ZNF462: variants seen among roughly 807,000 people sequenced by gnomAD.
ZNF462 encodes zinc finger PBX1-interacting protein.
In ZNF462, 10 loss-of-function variants were observed where a neutral mutation model predicts 201.9. That is an observed-to-expected ratio of 0.05 (90% CI 0.03 to 0.08). The LOEUF (loss-of-function observed/expected upper bound fraction) is 0.08. Among genes scored for constraint, ZNF462 ranks in the 10% least tolerant of loss-of-function variants. ZNF462 has a pLI of 1.00. For missense variants in ZNF462, 2,523 were observed against 3,168.3 expected (o/e 0.80, Z 4.89); for synonymous variants, 1,227 against 1,193.3 (o/e 1.03, Z -0.58).
In ZNF462 at chr9:106,949,099, G is replaced by A. The variant is rs900255142; in HGVS notation, c.6427+9992G>A. On this transcript the variant is annotated intron_variant, in intron 7 of 12. Coordinates refer to ENST00000277225, the MANE Select transcript of ZNF462 (RefSeq NM_021224.6). Reference sequence around the variant, plus strand: ...GACTGCCTAGACTGTTCAGAGTAATGGGCTAGAAATAAGACTTTGTGAAAG... The same window carrying A: ...GACTGCCTAGACTGTTCAGAGTAATAGGCTAGAAATAAGACTTTGTGAAAG... 2.0e-5 allele frequency among the ~76,000 whole-genome samples: 3 copies of A among 152,246 alleles called. No individual in the cohort carries two copies. The South Asian group carries it at 6.2e-4, about 32-fold the overall frequency.
chr9:106,881,333 GT>G (rs1564073975), intron 1 of ZNF462, among the ~76,000 whole-genome samples: 1 of 152,170 alleles, frequency 6.6e-6, no homozygotes, highest in Non-Finnish European at 1.5e-5. Flanking sequence ...TGGTAGGCCT[GT>G]GAGGACCTTG....
chr9:106,901,060 T>G (rs1227179215), intron 1 of ZNF462, among the ~76,000 whole-genome samples: 1 of 152,200 alleles, frequency 6.6e-6, no homozygotes, highest in Non-Finnish European at 1.5e-5. Flanking sequence ...AGTTGATTTT[T>G]GTATAAAGTA....
In ZNF462 at chr9:106,963,750, G is replaced by A. The variant is rs1831945138; in HGVS notation, c.6428-8255G>A. On this transcript the variant is annotated intron_variant, in intron 7 of 12. Coordinates refer to ENST00000277225, the MANE Select transcript of ZNF462 (RefSeq NM_021224.6). The surrounding 1 kb of genome is among the most constrained non-coding windows in gnomAD (Gnocchi z 4.7). ...ATTTCTAAGTATATAGGATAGTATT[G>A]TTAACTGTATACACATTGTTATACA... Among the ~76,000 whole-genome samples, 1 of 151,970 alleles carries A rather than the reference G, an allele frequency of 6.6e-6. No homozygotes were observed. Among genetic ancestry groups the A allele is most frequent in the East Asian group, 1.9e-4 (1 of 5,182 alleles).
chr9:106,932,823 G>A lies in ZNF462; in HGVS notation c.6116+274G>A. ...ACCCAAAGGTAAAATGGCATCTGTG[G>A]AGAGTAGATGAGTCTCCTGATTCAT... On this transcript the variant is annotated intron_variant, in intron 5 of 12. Transcript: ENST00000277225. The surrounding 1 kb of genome is among the most constrained non-coding windows in gnomAD (Gnocchi z 6.8). 1 of 548,070 alleles carries A rather than the reference G, an allele frequency of 1.8e-6. No individual in the cohort carries two copies. The highest frequency in any genetic ancestry group is 2.2e-5 in the South Asian group (1 of 45,182). The allele number at this position is 548,070 out of a possible 1,614,324, so 34.0% of individuals were successfully genotyped here.
In ZNF462 at chr9:106,926,902, G is replaced by T; in HGVS notation, c.2990G>T (p.Gly997Val). 2 of 1,614,180 alleles carry T rather than the reference G, an allele frequency of 1.2e-6. No individual in the cohort carries two copies. Among genetic ancestry groups the T allele is most frequent in the Middle Eastern group, 1.6e-4 (1 of 6,062 alleles). ...NMATSTPVAR[G>V]GGLPATFNKN... is the part of the protein sequence containing the mutation. The stretch of plus-strand genomic sequence containing the variant: ...GCGACTTCCACACCTGTGGCTCGTG[G>T]TGGTGGTTTGCCAGCTACGTTCAAC... Residue 997 changes from glycine to valine, a missense_variant, in exon 3 of 13, where the codon GGT (glycine) becomes GTT (valine). By Grantham distance (109) the Gly-to-Val change is moderately radical (BLOSUM62 -3). Transcript: ENST00000277225. This position sits in a 1 kb window ranked among gnomAD's most constrained non-coding sequence, Gnocchi z 7.9.
rs1051764360 is a variant in ZNF462, at chr9:107,003,692, A to G, written c.7189+266A>G. Reference sequence around the variant, plus strand: ...AATAGATGGCAGTGATTTGTTTTTAATAAGGAAAACTGGTATCTAGGGAAT... The same window carrying G: ...AATAGATGGCAGTGATTTGTTTTTAGTAAGGAAAACTGGTATCTAGGGAAT... On this transcript the variant is annotated intron_variant, in intron 11 of 12. Transcript: ENST00000277225. This position sits in a 1 kb window ranked among gnomAD's most constrained non-coding sequence, Gnocchi z 4.4. Among the ~76,000 whole-genome samples, 3 of 152,194 alleles carry G rather than the reference A, an allele frequency of 2.0e-5. No homozygotes were observed. Among genetic ancestry groups the G allele is most frequent in the African/African-American group, 7.2e-5 (3 of 41,460 alleles).
intron 7 of ZNF462, among the ~76,000 whole-genome samples, chr9:106,947,604 T>A (rs1209859610): frequency 6.6e-6 from 1 of 152,238 alleles, no homozygotes; most frequent in South Asian, 2.1e-4. Flanking sequence ...ACCAATTGCC[T>A]TAAATATGTC....
intron 10 of ZNF462, among the ~76,000 whole-genome samples, chr9:106,998,184 T>C (rs1828885131): frequency 1.3e-5 from 2 of 152,166 alleles, no homozygotes; most frequent in Non-Finnish European, 1.5e-5. Context: ...GTGCCTCTTT[T>C]TGAAGCTACA....
intron 7 of ZNF462, among the ~76,000 whole-genome samples, chr9:106,942,437 A>C (rs1376034634): frequency 6.6e-6 from 1 of 152,230 alleles, no homozygotes; most frequent in Non-Finnish European, 1.5e-5. Context: ...ATGTTTCACC[A>C]GCACACGAAT....
chr9:106,864,039 G>GCTCGCGCGCTCT (rs1827179488), intron 1 of ZNF462, among the ~76,000 whole-genome samples: 1 of 22,722 alleles, frequency 4.4e-5, no homozygotes, highest in Non-Finnish European at 1.0e-4. Context: ...CAGGTATTTG[G>GCTCGCGCGCTCT]CTCTCTCTCT....
rs1036026918 is a variant in ZNF462 at position 106,925,544 on chromosome 9, G to A, written c.1632G>A (p.Gln544=). ...CCTTGCAGCAGCAACAGCCACCGCA[G>A]CCACCACCACCGCCGCCGCCACCAC... The part of the protein sequence containing the change: ...LDPLQQQQPP[Q]PPPPPPPPPP... The change falls in exon 3 of 13, where the codon CAG becomes CAA. Residue 544 remains glutamine (Q), a synonymous_variant. Coordinates refer to ENST00000277225, the MANE Select transcript of ZNF462 (RefSeq NM_021224.6). The surrounding 1 kb of genome is among the most constrained non-coding windows in gnomAD (Gnocchi z 7.9). The A allele has an allele frequency of 6.2e-7, 1 of 1,612,914 alleles. No individual in the cohort carries two copies. Among genetic ancestry groups the A allele is most frequent in the African/African-American group, 1.3e-5 (1 of 74,818 alleles).
At position 106,954,233 on chromosome 9, in the gene ZNF462, C is replaced by T. The variant is rs1388585352; in HGVS notation, c.6427+15126C>T. ...CACGGTTCTACATGGCTAGGGAGGC[C>T]TCAGGAAACTTATAATCAAGGTGGA... On this transcript the variant is annotated intron_variant, in intron 7 of 12. Coordinates refer to ENST00000277225, the MANE Select transcript of ZNF462 (RefSeq NM_021224.6). The surrounding 1 kb of genome is among the most constrained non-coding windows in gnomAD (Gnocchi z 4.0). Among the ~76,000 whole-genome samples the T allele has an allele frequency of 1.3e-5, 2 of 151,988 alleles. No homozygotes were observed. Among genetic ancestry groups the T allele is most frequent in the Non-Finnish European group, 2.9e-5 (2 of 68,012 alleles).
At position 106,928,877 on chromosome 9, in the gene ZNF462, C is replaced by G; in HGVS notation, c.4965C>G (p.Val1655=). 1 of 1,614,102 alleles carries G rather than the reference C, an allele frequency of 6.2e-7. No homozygotes were observed. Among genetic ancestry groups the G allele is most frequent in the Non-Finnish European group, 8.5e-7 (1 of 1,180,030 alleles). ...STSHFSTSHL[V]SHTVFRCQLC... is the part of the protein sequence containing the mutation. ...CTCACTTCTCTACCTCCCACCTGGT[C>G]TCCCACACTGTGTTCCGGTGCCAGC... Residue 1655 remains valine (V), a synonymous_variant, in exon 3 of 13, where the codon GTC becomes GTG. Transcript: ENST00000277225. This position sits in a 1 kb window ranked among gnomAD's most constrained non-coding sequence, Gnocchi z 9.3.
rs761813369 is a variant in ZNF462 at position 106,930,881 on chromosome 9, C to G, written c.6012+192C>G. On this transcript the variant is annotated intron_variant, in intron 4 of 12. Coordinates refer to ENST00000277225, the MANE Select transcript of ZNF462 (RefSeq NM_021224.6). This position sits in a 1 kb window ranked among gnomAD's most constrained non-coding sequence, Gnocchi z 5.8. ...CTCATCTTTCTGTTCAGGGAAAGGTCGAGTTTCGATCTGGTTTCCTTCCAC... is the reference window on the plus strand; with the variant it reads ...CTCATCTTTCTGTTCAGGGAAAGGTGGAGTTTCGATCTGGTTTCCTTCCAC... 17 of 613,386 alleles carry G rather than the reference C, an allele frequency of 2.8e-5. No individual in the cohort carries two copies. Among genetic ancestry groups the G allele is most frequent in the East Asian group, 3.2e-5 (1 of 31,478 alleles). The allele number at this position is 613,386 out of a possible 1,614,324, so 38.0% of individuals were successfully genotyped here.
At chr9:106,942,629 T>A (rs1298439494) in intron 7 of ZNF462, among the ~76,000 whole-genome samples, 1 of 152,240 alleles carries the variant, frequency 6.6e-6, no homozygotes, top group Non-Finnish European at 1.5e-5. Flanking sequence ...ACTGTGTTCC[T>A]TCTCCTGCCA....
intron 7 of ZNF462, among the ~76,000 whole-genome samples, chr9:106,967,439 A>C (rs1162175136): frequency 6.6e-6 from 1 of 151,924 alleles, no homozygotes; most frequent in South Asian, 2.1e-4. Context: ...TTTTTCTCTA[A>C]GTTTTGGAGA....
At chr9:106,861,853 T>C (rs890666360), upstream of ZNF462, among the ~76,000 whole-genome samples, 11 of 152,226 alleles carry the variant, frequency 7.2e-5, no homozygotes, top group Non-Finnish European at 1.0e-4. Flanking sequence ...GGCTCGCGTG[T>C]CTTCAACACC....
intron 1 of ZNF462, among the ~76,000 whole-genome samples, chr9:106,922,846 C>T (rs554064537): frequency 2.0e-5 from 3 of 152,266 alleles, no homozygotes; most frequent in Admixed American, 6.5e-5. Context: ...CCTCCACCCC[C>T]AAGATTTAAA....
At chr9:106,990,340 A>G (rs1047322837) in intron 10 of ZNF462, among the ~76,000 whole-genome samples, 1 of 152,014 alleles carries the variant, frequency 6.6e-6, no homozygotes, top group African/African-American at 2.4e-5. Flanking sequence ...ATGGCTCGTC[A>G]TAGTCTACCT....
Sources: gnomAD v4.1 joint callset for allele counts (sites outside exome capture counted in the v4.1 genomes callset) on GRCh38, gnomAD v4.1.1 for gene constraint, Gnocchi (gnomAD v3.1) non-coding constraint, MANE v1.5 for transcripts, NCBI Gene and HGNC (gene_info 2026-07-23, HGNC 2026-07-21) for gene names.